PTPRT: variants seen among roughly 807,000 people sequenced by gnomAD.
The protein encoded by PTPRT is protein tyrosine phosphatase receptor type T.
Under a neutral mutation model 176.8 loss-of-function variants are expected in PTPRT, and 56 were observed. That is an observed-to-expected ratio of 0.32 (90% CI 0.26 to 0.40). PTPRT has a LOEUF of 0.40. Ranked by LOEUF, PTPRT falls within the 10% of genes least tolerant of loss-of-function variation. The pLI is 1.00. For synonymous variants in PTPRT, 783 were observed against 739.0 expected (o/e 1.06, Z -0.96); for missense variants, 1,540 against 1,908.2 (o/e 0.81, Z 3.60).
intron 1 of PTPRT, among the ~76,000 whole-genome samples, chr20:43,160,421 A>T (rs748488378): frequency 6.6e-6 from 1 of 152,230 alleles, no homozygotes; most frequent in Non-Finnish European, 1.5e-5. Context: ...GCTTGCTGGC[A>T]TGGATAAGGC....
chr20:42,195,364 C>T (rs918711960), intron 16 of PTPRT, among the ~76,000 whole-genome samples: 8 of 152,172 alleles, frequency 5.3e-5, no homozygotes, highest in Non-Finnish European at 8.8e-5. Context: ...CTAAAGACAC[C>T]GATTCAGAGG....
chr20:42,289,881 C>G (rs748386162), intron 12 of PTPRT, among the ~76,000 whole-genome samples: 4 of 152,100 alleles, frequency 2.6e-5, no homozygotes, highest in Non-Finnish European at 5.9e-5. Context: ...GTCTTCCTGA[C>G]TGACAAACGT....
At chr20:42,791,072 A>G (rs1600742944) in intron 3 of PTPRT, 123 bp downstream of exon 3, 2 of 1,244,614 alleles carry the variant, frequency 1.6e-6, no homozygotes, top group Non-Finnish European at 1.1e-6. Flanking sequence ...GGCTAGGAGG[A>G]GAAGCACAGT....
At chr20:42,896,958 T>C (rs208206) in intron 1 of PTPRT, among the ~76,000 whole-genome samples, 6,505 of 152,242 alleles carry the variant, frequency 0.043, 358 homozygotes, top group African/African-American at 0.13. Flanking sequence ...CTTTTCTGAA[T>C]ATATAATTGA....
chr20:42,392,211 A>G (rs777010468), intron 9 of PTPRT, among the ~76,000 whole-genome samples: 8 of 152,180 alleles, frequency 5.3e-5, no homozygotes, highest in Admixed American at 1.3e-4. Context: ...AACACATATG[A>G]ACATTTCCTG....
At chr20:42,849,396 T>A (rs1163546815) in intron 2 of PTPRT, among the ~76,000 whole-genome samples, 1 of 152,230 alleles carries the variant, frequency 6.6e-6, no homozygotes, top group African/African-American at 2.4e-5. Context: ...CTAAATTAAA[T>A]CAATTAATCC....
intron 8 of PTPRT, among the ~76,000 whole-genome samples, chr20:42,460,334 A>T (rs1404166203): frequency 6.6e-6 from 1 of 152,218 alleles, no homozygotes; most frequent in Non-Finnish European, 1.5e-5. Flanking sequence ...AAATAAAATT[A>T]TATTGGAACA....
chr20:42,830,443 T>C (rs569210656), intron 2 of PTPRT, among the ~76,000 whole-genome samples: 50 of 152,266 alleles, frequency 3.3e-4, no homozygotes, highest in Middle Eastern at 6.8e-3. Context: ...TCAAAGAACA[T>C]ATCTCAAAAT....
chr20:42,985,300 G>C (rs987444919), intron 1 of PTPRT, among the ~76,000 whole-genome samples: 2 of 152,130 alleles, frequency 1.3e-5, no homozygotes, highest in African/African-American at 4.8e-5. Context: ...TTCGAGACCA[G>C]CCTGACCAAC....
At chr20:42,985,222 T>G (rs1442955605) in intron 1 of PTPRT, among the ~76,000 whole-genome samples, 1 of 151,944 alleles carries the variant, frequency 6.6e-6, no homozygotes, top group African/African-American at 2.4e-5. Flanking sequence ...TACCGCCGGG[T>G]GTGGTGGCTC....
At chr20:42,188,875 G>A (rs1990884147) in intron 16 of PTPRT, among the ~76,000 whole-genome samples, 4 of 152,132 alleles carry the variant, frequency 2.6e-5, no homozygotes, top group Admixed American at 1.3e-4. Context: ...GTGTATTGAG[G>A]AATGCTTGGG....
At chr20:42,605,822 T>G (rs1392782825) in intron 7 of PTPRT, among the ~76,000 whole-genome samples, 2 of 152,180 alleles carry the variant, frequency 1.3e-5, no homozygotes, top group East Asian at 3.9e-4. Context: ...GGTTTCAGGA[T>G]GCATCAGAAT....
At chr20:43,168,518 AT>A (rs1217014654) in intron 1 of PTPRT, among the ~76,000 whole-genome samples, 1 of 152,176 alleles carries the variant, frequency 6.6e-6, no homozygotes, top group African/African-American at 2.4e-5. Flanking sequence ...TTGCATAGGA[AT>A]TTTTTCCCAT....
intron 7 of PTPRT, among the ~76,000 whole-genome samples, chr20:42,611,327 G>A (rs935680211): frequency 2.0e-5 from 3 of 152,142 alleles, no homozygotes; most frequent in Admixed American, 6.5e-5. Flanking sequence ...TCCAACACTT[G>A]TTATTATCTG....
intron 1 of PTPRT, among the ~76,000 whole-genome samples, chr20:43,086,794 C>A (rs541013856): frequency 1.3e-5 from 2 of 152,020 alleles, no homozygotes; most frequent in African/African-American, 4.8e-5. Flanking sequence ...CTGTTATAAC[C>A]GGGGGCTGGG....
intron 9 of PTPRT, among the ~76,000 whole-genome samples, chr20:42,409,481 C>CAAAAAAAAAAAAAAAAAAAA (rs58932390): frequency 3.6e-5 from 4 of 112,170 alleles, no homozygotes; most frequent in Non-Finnish European, 5.4e-5. Flanking sequence ...GACTCTGTCG[C>CAAAAAAAAAAAAAAAAAAAA]AAAAAAAAAA....
At chr20:42,446,007 A>G (rs188970720) in intron 9 of PTPRT, among the ~76,000 whole-genome samples, 5 of 152,218 alleles carry the variant, frequency 3.3e-5, no homozygotes, top group Admixed American at 6.5e-5. Flanking sequence ...TTTAATCATG[A>G]TATTTCTCAT....
chr20:42,192,107 T>C (rs1991025061), intron 16 of PTPRT, among the ~76,000 whole-genome samples: 1 of 152,160 alleles, frequency 6.6e-6, no homozygotes, highest in Non-Finnish European at 1.5e-5. Context: ...AGACAATATG[T>C]GAACAGCACC....
At chr20:42,253,040 T>C (rs188620632) in intron 13 of PTPRT, among the ~76,000 whole-genome samples, 17 of 152,116 alleles carry the variant, frequency 1.1e-4, no homozygotes, top group African/African-American at 3.6e-4. Context: ...AGTGGAAGTG[T>C]GTTGACAGGG....
Sources: gnomAD v4.1 joint callset for allele counts (sites outside exome capture counted in the v4.1 genomes callset) on GRCh38, gnomAD v4.1.1 for gene constraint, MANE v1.5 for transcripts, NCBI Gene and HGNC (gene_info 2026-07-23, HGNC 2026-07-21) for gene names.